Variants in TRMT9B observed in about 807,000 individuals in gnomAD.
TRMT9B encodes probable tRNA methyltransferase 9B.
Under a neutral mutation model 11.5 loss-of-function variants are expected in TRMT9B, and 16 were observed. That is an observed-to-expected ratio of 1.39 (90% confidence interval 0.94 to 2.11). TRMT9B has a LOEUF of 2.11. TRMT9B is among the 30% of genes most tolerant of loss of function. TRMT9B has a pLI of 0.00. For missense variants in TRMT9B, 941 were observed against 553.8 expected, an observed-to-expected ratio of 1.70 and a Z score of -7.02; for synonymous variants, 274 against 192.4, an observed-to-expected ratio of 1.42 and a Z score of -3.51.
At chr8:12,953,628 C>T (rs961507519) in intron 1 of TRMT9B, among the ~76,000 whole-genome samples, 3 of 152,182 alleles carry the variant, frequency 2.0e-5, no homozygotes, top group East Asian at 1.9e-4. Flanking sequence ...TTTTAGCTAA[C>T]GAATGGTTAA....
At chr8:12,978,913 G>C (rs759700663) in intron 1 of TRMT9B, among the ~76,000 whole-genome samples, 1 of 152,212 alleles carries the variant, frequency 6.6e-6, no homozygotes, top group Non-Finnish European at 1.5e-5. Context: ...TGCAGAATCT[G>C]TATGCGTGGA....
chr8:12,963,746 C>T (rs1040771876), intron 1 of TRMT9B, among the ~76,000 whole-genome samples: 1 of 152,196 alleles, frequency 6.6e-6, no homozygotes, highest in Non-Finnish European at 1.5e-5. Context: ...AAGACCCTGT[C>T]TCAAACAAAA....
At chr8:13,001,143 T>A (rs1318563015) in intron 2 of TRMT9B, among the ~76,000 whole-genome samples, 1 of 152,240 alleles carries the variant, frequency 6.6e-6, no homozygotes, top group African/African-American at 2.4e-5. Context: ...TTCTTTTGCT[T>A]CATCCATATG....
chr8:12,971,660 A>G (rs1267077500), intron 1 of TRMT9B, among the ~76,000 whole-genome samples: 1 of 151,910 alleles, frequency 6.6e-6, no homozygotes, highest in Non-Finnish European at 1.5e-5. Context: ...AAAATTAGCA[A>G]ACAAGAAAAT....
Position 13,025,391 on chromosome 8 carries a change from C to G in TRMT9B, c.*3347C>G, listed in dbSNP as rs887518046. The G allele has an allele frequency of 6.3e-6, 1 of 158,096 alleles. No homozygotes were observed. The allele number at this position is 158,096 out of a possible 1,614,324, so 9.8% of individuals were successfully genotyped here. A position where few individuals can be genotyped will look rare whatever the true frequency, so the allele number is the denominator to read the frequency against. On this transcript the variant is annotated 3_prime_UTR_variant, in exon 5 of 5. Coordinates refer to ENST00000524591, the MANE Select transcript of TRMT9B (RefSeq NM_020844.3). ...AAATTAGCCAGGTTGGTGGCGCATG[C>G]CTGTAATCCCAGCTACTTGGGAGGC... is the stretch of plus-strand genomic sequence containing the variant.
At chr8:12,983,791 A>C (rs189920217) in intron 1 of TRMT9B, among the ~76,000 whole-genome samples, 69 of 152,340 alleles carry the variant, frequency 4.5e-4, no homozygotes, top group African/African-American at 1.6e-3. Flanking sequence ...AATACAGGGT[A>C]CAGTAGCCTT....
chr8:12,965,221 A>T (rs948559014), intron 1 of TRMT9B, among the ~76,000 whole-genome samples: 1 of 152,246 alleles, frequency 6.6e-6, no homozygotes, highest in African/African-American at 2.4e-5. Flanking sequence ...TAAGCATTCA[A>T]GCCATATGGC....
intron 1 of TRMT9B, among the ~76,000 whole-genome samples, chr8:12,966,719 C>G (rs574585538): frequency 1.1e-4 from 17 of 152,282 alleles, no homozygotes; most frequent in African/African-American, 3.8e-4. Context: ...AGAGTAAGAA[C>G]TGGATGCTGT....
intron 2 of TRMT9B, among the ~76,000 whole-genome samples, chr8:12,997,920 G>A (rs1354359043): frequency 1.3e-5 from 2 of 152,076 alleles, no homozygotes; most frequent in African/African-American, 2.4e-5. Flanking sequence ...GATATTCTTT[G>A]TGTTTTCCAT....
intron 1 of TRMT9B, chr8:12,960,182 TAATTCTCTGAGCCAGTTTTGGCACTCTA>T (rs1284556800): frequency 1.3e-5 from 2 of 152,234 alleles, no homozygotes; most frequent in South Asian, 2.1e-4. Context: ...TCCCCCTGTT[TAATTCTCTGAGCCAGTTTTGGCACTCTA>T]AGGAGTCAAC....
intron 1 of TRMT9B, among the ~76,000 whole-genome samples, chr8:12,959,326 G>C (rs763284511): frequency 1.6e-4 from 25 of 152,082 alleles, no homozygotes; most frequent in Non-Finnish European, 2.1e-4. Flanking sequence ...TCAAAACGCA[G>C]TCCAAACTTT....
chr8:13,014,529 A>C (rs1247289568), intron 4 of TRMT9B, among the ~76,000 whole-genome samples: 1 of 152,146 alleles, frequency 6.6e-6, no homozygotes, highest in Non-Finnish European at 1.5e-5. Context: ...TAAATAGGCC[A>C]TTAAGCCCAT....
chr8:12,966,635 G>A (rs1384893071), intron 1 of TRMT9B, among the ~76,000 whole-genome samples: 1 of 152,164 alleles, frequency 6.6e-6, no homozygotes, highest in Admixed American at 6.5e-5. Flanking sequence ...TTTTAGTTCA[G>A]TGCCCATTTA....
intron 4 of TRMT9B, among the ~76,000 whole-genome samples, chr8:13,016,641 T>C (rs938882290): frequency 6.6e-5 from 10 of 151,906 alleles, no homozygotes; most frequent in African/African-American, 2.4e-4. Context: ...TTGTTGTACT[T>C]ACTTTTGGAA....
chr8:13,013,201 G>T (rs545673357), intron 4 of TRMT9B, among the ~76,000 whole-genome samples: 3 of 152,152 alleles, frequency 2.0e-5, no homozygotes, highest in Non-Finnish European at 4.4e-5. Context: ...AAGCAAAGTA[G>T]ATTTTTAGAA....
intron 4 of TRMT9B, among the ~76,000 whole-genome samples, chr8:13,016,222 TG>T: frequency 1.7e-5 from 2 of 116,926 alleles, no homozygotes; most frequent in Non-Finnish European, 1.8e-5. Flanking sequence ...AAAATATAAA[TG>T]TGAAATATAT....
intron 1 of TRMT9B, among the ~76,000 whole-genome samples, chr8:12,980,239 C>A (rs576006625): frequency 6.6e-6 from 1 of 152,058 alleles, no homozygotes; most frequent in Non-Finnish European, 1.5e-5. Context: ...CCTCCAATTC[C>A]CGGTGGGCCC....
chr8:13,027,425 A>C lies in TRMT9B; in HGVS notation c.*5381A>C, dbSNP rs1236825538. 1 of 167,094 alleles carries C rather than the reference A, an allele frequency of 6.0e-6. No individual in the cohort carries two copies. Among genetic ancestry groups the C allele is most frequent in the Non-Finnish European group, 1.5e-5 (1 of 68,124 alleles). 10.4% of individuals were successfully genotyped at this position (167,094 alleles called of 1,614,324 possible). On this transcript the variant is annotated 3_prime_UTR_variant, in exon 5 of 5. Coordinates refer to ENST00000524591, the MANE Select transcript of TRMT9B (RefSeq NM_020844.3). ...TAATCTAGCTTACCCTAGACGTATT[A>C]ACATCCTATAGCGCACGTGTTCTGT... is the stretch of plus-strand genomic sequence containing the variant.
chr8:12,968,380 G>C (rs1803117192), intron 1 of TRMT9B, among the ~76,000 whole-genome samples: 1 of 152,154 alleles, frequency 6.6e-6, no homozygotes, highest in Non-Finnish European at 1.5e-5. Context: ...CTTGTTGTTT[G>C]GTTGGAATTG....
Sources: allele counts gnomAD v4.1 joint callset (sites outside exome capture counted in the v4.1 genomes callset), GRCh38; gene constraint gnomAD v4.1.1; transcripts MANE v1.5; gene names NCBI Gene and HGNC (gene_info 2026-07-23, HGNC 2026-07-21).